BLMH: variants seen among roughly 807,000 people sequenced by gnomAD.
The protein encoded by BLMH is BLM hydrolase.
BLMH carries 32 observed loss-of-function variants against 61.6 expected under a neutral mutation model. That is an observed-to-expected ratio of 0.52 (90% CI 0.39 to 0.70). The LOEUF is 0.70. BLMH is among the 30% of genes least tolerant of loss of function. BLMH has a pLI of 0.00. For synonymous variants in BLMH, 183 were observed against 193.8 expected, an observed-to-expected ratio of 0.94 and a Z score of 0.46; for missense variants, 460 against 555.5, an observed-to-expected ratio of 0.83 and a Z score of 1.73.
At chr17:30,291,586 A>G in intron 1 of BLMH, 78 bp from the exon 2 acceptor site, 1 of 1,560,354 alleles carries the variant, frequency 6.4e-7, no homozygotes, top group Non-Finnish European at 8.7e-7. Flanking sequence ...TCCCGAATCT[A>G]ACTTCGTAAG....
At chr17:30,250,849 A>T (rs979330173) in intron 11 of BLMH, among the ~76,000 whole-genome samples, 2 of 152,178 alleles carry the variant, frequency 1.3e-5, no homozygotes, top group African/African-American at 4.8e-5. Flanking sequence ...CCATCAACCA[A>T]CGAGTGGATA....
intron 11 of BLMH, among the ~76,000 whole-genome samples, chr17:30,266,310 G>A (rs1374560634): frequency 2.6e-5 from 4 of 151,874 alleles, no homozygotes; most frequent in African/African-American, 7.3e-5. Context: ...GGCGGATCAC[G>A]AGGTCAGGAA....
chr17:30,286,125 A>G (rs1342444675), intron 5 of BLMH, among the ~76,000 whole-genome samples: 2 of 152,198 alleles, frequency 1.3e-5, no homozygotes, highest in Non-Finnish European at 2.9e-5. Flanking sequence ...AGACACACCT[A>G]TAGTTGATTT....
In BLMH at chr17:30,287,871, A is replaced by G. The variant is rs768600658; in HGVS notation, c.398T>C (p.Val133Ala). The change falls in exon 4 of 12, where the codon GTG becomes GCG. Residue 133 changes from valine to alanine, a missense_variant. Transcript: ENST00000261714. Reference protein sequence around the residue: ...QRKEPEDGRLVQFLLMNPAND... With the variant: ...QRKEPEDGRLAQFLLMNPAND... ...TGCAGGGTTCATAAGCAAAAACTGC[A>G]CCAGCCTCCCATCCTCAGGCTCCTT... 1.9e-6 allele frequency: 3 copies of G among 1,614,062 alleles called. No individual in the cohort carries two copies. The highest frequency in any genetic ancestry group is 2.5e-6 in the Non-Finnish European group (3 of 1,180,024).
chr17:30,254,421 A>G (rs894945294), intron 11 of BLMH, among the ~76,000 whole-genome samples: 1 of 152,216 alleles, frequency 6.6e-6, no homozygotes, highest in African/African-American at 2.4e-5. Context: ...CACTTGTCTT[A>G]TATTTCAAGC....
At chr17:30,258,070 C>T (rs922557514) in intron 11 of BLMH, among the ~76,000 whole-genome samples, 1 of 152,102 alleles carries the variant, frequency 6.6e-6, no homozygotes, top group East Asian at 1.9e-4. Context: ...TGGGCCCAAA[C>T]GATCCTCCTG....
Position 30,291,453 on chromosome 17 carries a change from C to T in BLMH, c.69G>A (p.Gln23=), listed in dbSNP as rs767226279. 2 of 1,614,106 alleles carry T rather than the reference C, an allele frequency of 1.2e-6. No homozygotes were observed. Among genetic ancestry groups the T allele is most frequent in the Admixed American group, 1.7e-5 (1 of 60,012 alleles). Residue 23 remains glutamine (Q), a synonymous_variant, in exon 2 of 12, where the codon CAG becomes CAA. Coordinates refer to ENST00000261714, the MANE Select transcript of BLMH (RefSeq NM_000386.4). ...ALIQKLNSDP[Q]FVLAQNVGTT... Reference sequence around the variant, plus strand: ...TCCCGACATTCTGGGCAAGTACGAACTGGGGGTCGGAATTCAGTTTCTGTA... The same window carrying T: ...TCCCGACATTCTGGGCAAGTACGAATTGGGGGTCGGAATTCAGTTTCTGTA...
At chr17:30,286,936 T>C (rs1567839762) in intron 4 of BLMH, 34 bp from the exon 5 acceptor site, 13 of 1,416,518 alleles carry the variant, frequency 9.2e-6, no homozygotes, top group Admixed American at 2.0e-5. Context: ...TTAAAGAAGG[T>C]AAAAAATTAG....
chr17:30,254,499 G>C (rs1936532091), intron 11 of BLMH, among the ~76,000 whole-genome samples: 1 of 152,132 alleles, frequency 6.6e-6, no homozygotes, highest in Non-Finnish European at 1.5e-5. Flanking sequence ...TGCAAAGACT[G>C]TGTAGCAACA....
chr17:30,290,132 T>C (rs1172840508), intron 2 of BLMH, among the ~76,000 whole-genome samples: 2 of 152,260 alleles, frequency 1.3e-5, no homozygotes, highest in Non-Finnish European at 2.9e-5. Context: ...CTAGTGCCTA[T>C]TAGTTCGTCT....
intron 6 of BLMH, among the ~76,000 whole-genome samples, chr17:30,281,317 G>C (rs1158133912): frequency 2.5e-4 from 38 of 151,966 alleles, no homozygotes; most frequent in Non-Finnish European, 1.8e-4. Context: ...GAAAGAAACA[G>C]AAATGCGGAC....
intron 10 of BLMH, among the ~76,000 whole-genome samples, chr17:30,269,752 C>T (rs1044882935): frequency 3.3e-5 from 5 of 152,108 alleles, no homozygotes; most frequent in Non-Finnish European, 4.4e-5. Context: ...AAGACCTCAA[C>T]CTTTACATTT....
At chr17:30,265,305 A>G (rs1409111948) in intron 11 of BLMH, among the ~76,000 whole-genome samples, 2 of 152,224 alleles carry the variant, frequency 1.3e-5, no homozygotes, top group African/African-American at 4.8e-5. Flanking sequence ...GTGCTGCCCA[A>G]TCAGCATACT....
intron 6 of BLMH, among the ~76,000 whole-genome samples, chr17:30,279,189 A>C (rs750198885): frequency 3.9e-5 from 6 of 152,248 alleles, no homozygotes; most frequent in East Asian, 1.9e-4. Context: ...AGAACAGAAG[A>C]AGCCAATGAT....
At chr17:30,256,175 C>G (rs189055208) in intron 11 of BLMH, among the ~76,000 whole-genome samples, 1 of 152,272 alleles carries the variant, frequency 6.6e-6, no homozygotes, top group East Asian at 1.9e-4. Context: ...GGGTAAGCCA[C>G]TACACCTAGC....
intron 11 of BLMH, among the ~76,000 whole-genome samples, chr17:30,255,620 C>G (rs1315798312): frequency 2.6e-5 from 4 of 152,168 alleles, no homozygotes; most frequent in Admixed American, 2.0e-4. Flanking sequence ...AAGGTCTCGC[C>G]AGGCACGGTG....
rs77996044 is a variant in BLMH at position 30,267,634 on chromosome 17, A to G, written c.1147-680T>C. Among the ~76,000 whole-genome samples the G allele has an allele frequency of 4.8e-3, 734 of 152,354 alleles. 8 individuals are homozygous for G. Among genetic ancestry groups the G allele is most frequent in the African/African-American group, 0.016 (686 of 41,590 alleles). On this transcript the variant is annotated intron_variant, in intron 10 of 11. Coordinates refer to ENST00000261714, the MANE Select transcript of BLMH (RefSeq NM_000386.4). ...CTTCTTCCATCTTCATTATTAAAAT[A>G]AGCTCAATTTTGGTCTTCTTAAAGG...
At chr17:30,289,272 A>G in intron 3 of BLMH, 101 bp downstream of exon 3, 1 of 611,316 alleles carries the variant, frequency 1.6e-6, no homozygotes, top group East Asian at 3.2e-5. Flanking sequence ...CTCACCTATT[A>G]TGAAAGGGCA....
At chr17:30,289,135 C>G (rs1428939370) in intron 3 of BLMH, among the ~76,000 whole-genome samples, 1 of 151,836 alleles carries the variant, frequency 6.6e-6, no homozygotes, top group African/African-American at 2.4e-5. Flanking sequence ...TTTAAATAGA[C>G]AAGCAAGCAG....
Sources: gnomAD v4.1 joint callset for allele counts (sites outside exome capture counted in the v4.1 genomes callset) on GRCh38, gnomAD v4.1.1 for gene constraint, MANE v1.5 for transcripts, NCBI Gene and HGNC (gene_info 2026-07-23, HGNC 2026-07-21) for gene names.